SLCO2B1: variants seen among roughly 807,000 people sequenced by gnomAD.
SLCO2B1 encodes solute carrier organic anion transporter family member 2B1.
A neutral mutation model predicts 67.3 loss-of-function variants in SLCO2B1; 41 were observed. That is an observed-to-expected ratio of 0.61 (90% CI 0.47 to 0.79). The LOEUF (loss-of-function observed/expected upper bound fraction) is 0.79. Among genes scored for constraint, SLCO2B1 ranks in the 30% least tolerant of loss-of-function variants. SLCO2B1 has a pLI of 0.00. For missense variants in SLCO2B1, 837 were observed against 920.1 expected (o/e 0.91, Z 1.17); for synonymous variants, 379 against 381.4 (o/e 0.99, Z 0.07).
In SLCO2B1 at chr11:75,205,233, G is replaced by C. The variant is rs1389020917; in HGVS notation, c.*653G>C. ...GGCAGGGCCTTCAAGAGGCCTGTGT[G>C]GGGGCCCCAGGAATCCTTAGCTGAA... On this transcript the variant is annotated 3_prime_UTR_variant, in exon 14 of 14. Coordinates refer to ENST00000289575, the MANE Select transcript of SLCO2B1 (RefSeq NM_007256.5). The C allele has an allele frequency of 6.6e-6, 1 of 152,342 alleles. No homozygotes were observed. Among genetic ancestry groups the C allele is most frequent in the Non-Finnish European group, 1.5e-5 (1 of 68,134 alleles). 9.4% of individuals were successfully genotyped at this position (152,342 alleles called of 1,614,324 possible).
intron 7 of SLCO2B1, among the ~76,000 whole-genome samples, chr11:75,173,592 C>T (rs2140317449): frequency 6.6e-6 from 1 of 152,222 alleles, no homozygotes; most frequent in African/African-American, 2.4e-5. Context: ...TGGGTCTCTC[C>T]TCAGAAGCGG....
At chr11:75,181,392 A>G (rs1390697028) in intron 7 of SLCO2B1, among the ~76,000 whole-genome samples, 3 of 151,876 alleles carry the variant, frequency 2.0e-5, no homozygotes, top group South Asian at 2.1e-4. Context: ...AAAAAAAGAA[A>G]AAAGAAAGCT....
At chr11:75,175,750 C>T (rs559431443) in intron 7 of SLCO2B1, among the ~76,000 whole-genome samples, 1 of 152,102 alleles carries the variant, frequency 6.6e-6, no homozygotes, top group Non-Finnish European at 1.5e-5. Context: ...GGGGTGCATT[C>T]CACAGCCCCT....
At chr11:75,155,277 C>A (rs371260155) in intron 1 of SLCO2B1, among the ~76,000 whole-genome samples, 2 of 152,090 alleles carry the variant, frequency 1.3e-5, no homozygotes, top group Non-Finnish European at 2.9e-5. Flanking sequence ...TGGAGACATG[C>A]CCCCTTCCTG....
In SLCO2B1 at chr11:75,157,797, C is replaced by T. The variant is rs1462661748; in HGVS notation, c.17-4858C>T. On this transcript the variant is annotated intron_variant, in intron 1 of 13. Coordinates refer to ENST00000289575, the MANE Select transcript of SLCO2B1 (RefSeq NM_007256.5). The stretch of plus-strand genomic sequence containing the variant: ...GAGAAAAGCATACAAATTTATTTGG[C>T]TTTTAAAAATTTAATTTACTTATTA... 2.6e-5 allele frequency among the ~76,000 whole-genome samples: 4 copies of T among 152,246 alleles called. No homozygotes were observed. The East Asian group carries it at 5.8e-4, about 22-fold the overall frequency.
chr11:75,199,957 C>T (rs1238963965), intron 10 of SLCO2B1: 7 of 483,578 alleles, frequency 1.4e-5, no homozygotes, highest in Non-Finnish European at 2.6e-5. Flanking sequence ...CTGGCTCCCT[C>T]CCTCTTCTTC....
At chr11:75,177,791 C>A (rs1950043381) in intron 7 of SLCO2B1, among the ~76,000 whole-genome samples, 2 of 152,072 alleles carry the variant, frequency 1.3e-5, no homozygotes, top group African/African-American at 4.8e-5. Flanking sequence ...CTCCCAGATT[C>A]CTTAGCTCAG....
chr11:75,200,173 C>T, intron 10 of SLCO2B1, 51 bp from the exon 11 acceptor site: 1 of 1,553,278 alleles, frequency 6.4e-7, no homozygotes, highest in Non-Finnish European at 8.7e-7. Flanking sequence ...CCTTGGCCAG[C>T]TGCCTGCCCT....
intron 7 of SLCO2B1, among the ~76,000 whole-genome samples, chr11:75,178,139 G>C (rs1950049237): frequency 6.6e-6 from 1 of 151,546 alleles, no homozygotes; most frequent in African/African-American, 2.4e-5. Context: ...CGCAAGTTCT[G>C]TTTAGACCAA....
intron 7 of SLCO2B1, among the ~76,000 whole-genome samples, chr11:75,180,489 C>T (rs1950080032): frequency 6.6e-6 from 1 of 152,232 alleles, no homozygotes; most frequent in African/African-American, 2.4e-5. Flanking sequence ...CTTTTCTCCA[C>T]AGCCTCCCCA....
At chr11:75,189,359 G>A (rs1037260608) in intron 8 of SLCO2B1, among the ~76,000 whole-genome samples, 1 of 152,078 alleles carries the variant, frequency 6.6e-6, no homozygotes, top group Admixed American at 6.5e-5. Flanking sequence ...TCCTCATCTG[G>A]AAGATTGGGT....
chr11:75,177,494 AG>A (rs1950040742), intron 7 of SLCO2B1, among the ~76,000 whole-genome samples: 1 of 152,200 alleles, frequency 6.6e-6, no homozygotes, highest in African/African-American at 2.4e-5. Context: ...TGACTTCAGT[AG>A]GGATGGCACC....
At chr11:75,184,403 C>A (rs1364810752) in intron 7 of SLCO2B1, among the ~76,000 whole-genome samples, 1 of 152,178 alleles carries the variant, frequency 6.6e-6, no homozygotes, top group Non-Finnish European at 1.5e-5. Context: ...ACTTGAAAAT[C>A]AACTTAATTT....
In SLCO2B1 at chr11:75,196,625, C is replaced by T. The variant is rs1396577157; in HGVS notation, c.1545C>T (p.Pro515=). The change falls in exon 10 of 14, where the codon CCC becomes CCT. Residue 515 remains proline, a synonymous_variant. Transcript: ENST00000289575. The stretch of plus-strand genomic sequence containing the variant: ...GCACTCGTGTGGAATACATCACACC[C>T]TGCCACGCAGGCTGCTCAAGCTGGG... ...DPSTRVEYIT[P]CHAGCSSWVV... 6 of 1,614,054 alleles carry T rather than the reference C, an allele frequency of 3.7e-6. No homozygotes were observed. Among genetic ancestry groups the T allele is most frequent in the Non-Finnish European group, 5.1e-6 (6 of 1,180,028 alleles).
chr11:75,180,935 C>T (rs11236368), intron 7 of SLCO2B1, among the ~76,000 whole-genome samples: 14,284 of 152,184 alleles, frequency 0.094, 1,781 homozygotes, highest in African/African-American at 0.28. Flanking sequence ...GCGAAAGGTT[C>T]TCAGAATGAG....
intron 7 of SLCO2B1, 35 bp from the exon 8 acceptor site, chr11:75,188,101 C>A (rs753822147): frequency 1.3e-6 from 2 of 1,508,118 alleles, no homozygotes; most frequent in Non-Finnish European, 9.2e-7. Context: ...TTGCTGGCAT[C>A]CAGCGGACTG....
chr11:75,176,596 G>C (rs1196212031), intron 7 of SLCO2B1, among the ~76,000 whole-genome samples: 1 of 152,228 alleles, frequency 6.6e-6, no homozygotes, highest in Admixed American at 6.5e-5. Flanking sequence ...TTTTGGCTAA[G>C]AGTCTGTAAG....
At chr11:75,190,083 G>T (rs139480360) in intron 8 of SLCO2B1, among the ~76,000 whole-genome samples, 2 of 152,278 alleles carry the variant, frequency 1.3e-5, no homozygotes, top group African/African-American at 4.8e-5. Context: ...TAGACGCAGC[G>T]GCCGGGACTC....
chr11:75,191,016 G>A (rs1490274738), intron 8 of SLCO2B1, among the ~76,000 whole-genome samples: 1 of 152,210 alleles, frequency 6.6e-6, no homozygotes, highest in Non-Finnish European at 1.5e-5. Context: ...GCCATGCTGT[G>A]GATGCTGAGG....
Sources: allele counts gnomAD v4.1 joint callset (sites outside exome capture counted in the v4.1 genomes callset), GRCh38; gene constraint gnomAD v4.1.1; transcripts MANE v1.5; gene names NCBI Gene and HGNC (gene_info 2026-07-23, HGNC 2026-07-21).